The following SLC16A2 variants were observed in gnomAD, a reference collection of about 807,000 sequenced individuals.
The protein encoded by SLC16A2 is solute carrier family 16 member 2.
Under a neutral mutation model 27.2 loss-of-function variants are expected in SLC16A2, and 3 were observed. The ratio of observed to expected loss-of-function variants is 0.11; its 90% CI spans 0.05 to 0.28. The LOEUF is 0.28. SLC16A2 is among the 10% of genes least tolerant of loss of function. SLC16A2 has a pLI of 1.00. For missense variants in SLC16A2, 295 were observed against 458.5 expected (o/e 0.64, Z 3.26); for synonymous variants, 202 against 187.8 (o/e 1.08, Z -0.62).
At chrX:74,435,915 C>G (rs900919394) in intron 1 of SLC16A2, among the ~76,000 whole-genome samples, 1 of 110,349 alleles carries the variant, frequency 9.1e-6, no homozygotes, top group Admixed American at 9.8e-5. Flanking sequence ...TCAAATTTCT[C>G]CACTTATGCA....
At chrX:74,486,527 A>G (rs759857848) in intron 1 of SLC16A2, among the ~76,000 whole-genome samples, 2 of 112,112 alleles carry the variant, frequency 1.8e-5, no homozygotes, top group South Asian at 3.7e-4. Context: ...CAAAGCCACA[A>G]TGAGATACCA....
chrX:74,517,066 T>C (rs1431838425), intron 1 of SLC16A2, among the ~76,000 whole-genome samples: 1 of 111,874 alleles, frequency 8.9e-6, no homozygotes, highest in East Asian at 2.8e-4. Flanking sequence ...GGTGATGGAA[T>C]AGTTCTGTAT....
chrX:74,470,059 G>C (rs992701124), intron 1 of SLC16A2, among the ~76,000 whole-genome samples: 5 of 111,301 alleles, frequency 4.5e-5, no homozygotes, highest in African/African-American at 1.3e-4. Flanking sequence ...CATCTGATTG[G>C]AATCACACAG....
intron 1 of SLC16A2, 67 bp from the exon 2 acceptor site, chrX:74,520,923 G>GAGAT: frequency 8.7e-7 from 1 of 1,151,389 alleles, no homozygotes; most frequent in African/African-American, 1.8e-5. Context: ...AAGAAGAGCT[G>GAGAT]AGATACCAGC....
At chrX:74,450,326 G>T (rs746346615) in intron 1 of SLC16A2, among the ~76,000 whole-genome samples, 3 of 112,201 alleles carry the variant, frequency 2.7e-5, no homozygotes, top group African/African-American at 9.7e-5. Context: ...AGGAAATAAT[G>T]CTAGCTGAGT....
At chrX:74,457,037 A>G (rs780018028) in intron 1 of SLC16A2, among the ~76,000 whole-genome samples, 2 of 110,754 alleles carry the variant, frequency 1.8e-5, no homozygotes, top group Admixed American at 9.6e-5. Flanking sequence ...CTATCCTTCT[A>G]TCTCCACCAA....
rs1164319658 is a variant in SLC16A2, at chrX:74,531,354, G to A, written c.1421G>A (p.Gly474Glu). Residue 474 changes from glycine (G) to glutamate (E), a missense_variant, in exon 6 of 6, where the codon GGG (glycine) becomes GAG (glutamate). Gly to Glu is a moderately conservative substitution (Grantham distance 98). Around this residue, in one of 3 missense-constraint regions of SLC16A2, gnomAD observed 144 missense variants for 219.8 expected, o/e 0.66. Transcript: ENST00000587091. ...PIAGLLRNCF[G>E]DYHVAFYFAG... Reference sequence around the variant, plus strand: ...TCAGGCCTACTCCGCAACTGTTTTGGGGACTACCATGTGGCCTTCTACTTT... The same window carrying A: ...TCAGGCCTACTCCGCAACTGTTTTGAGGACTACCATGTGGCCTTCTACTTT... The A allele has an allele frequency of 2.5e-6, 3 of 1,209,980 alleles. No individual in the cohort carries two copies. Among genetic ancestry groups the A allele is most frequent in the Non-Finnish European group, 3.4e-6 (3 of 894,827 alleles).
rs984739489 is a variant in SLC16A2 at position 74,421,510 on chromosome X, A to G, written c.-128A>G. On this transcript the variant is annotated 5_prime_UTR_variant, in exon 1 of 6. Transcript: ENST00000587091. The stretch of plus-strand genomic sequence containing the variant: ...GACGGGCTGGCCAGCTGGGGCGCGG[A>G]GCCTGGAGGAGGAGGCAGCGGCAGC... 2.9e-5 allele frequency: 26 copies of G among 905,672 alleles called. No homozygotes were observed. The highest frequency in any genetic ancestry group is 3.6e-5 in the Non-Finnish European group (23 of 635,738). The allele number at this position is 905,672 out of a possible 1,213,427, so 74.6% of individuals were successfully genotyped here.
intron 1 of SLC16A2, among the ~76,000 whole-genome samples, chrX:74,511,779 A>C (rs1930237537): frequency 8.9e-6 from 1 of 112,005 alleles, no homozygotes; most frequent in Non-Finnish European, 1.9e-5. Flanking sequence ...AAATGGAAAA[A>C]GGTTTGAAAG....
intron 5 of SLC16A2, among the ~76,000 whole-genome samples, chrX:74,530,197 T>G (rs1930546893): frequency 9.5e-6 from 1 of 105,514 alleles, no homozygotes; most frequent in Admixed American, 1.0e-4. Flanking sequence ...GCCTGCTGGG[T>G]TCAAACGATT....
chrX:74,513,584 A>G (rs1021911794), intron 1 of SLC16A2, among the ~76,000 whole-genome samples: 3 of 111,884 alleles, frequency 2.7e-5, no homozygotes, highest in Admixed American at 9.5e-5. Flanking sequence ...TTCTTTTTTA[A>G]TACAGTCATT....
At chrX:74,488,427 AACAG>A (rs1434246052) in intron 1 of SLC16A2, among the ~76,000 whole-genome samples, 3 of 112,005 alleles carry the variant, frequency 2.7e-5, no homozygotes, top group East Asian at 2.8e-4. Context: ...AAGAATTTTT[AACAG>A]ACAGATTATA....
chrX:74,506,941 T>A (rs56353969), intron 1 of SLC16A2, among the ~76,000 whole-genome samples: 495 of 24,942 alleles, frequency 0.02, no homozygotes, highest in Middle Eastern at 0.13. Context: ...TTATTTATTT[T>A]TTTTTTTTTG....
At chrX:74,483,163 T>C (rs188251277) in intron 1 of SLC16A2, among the ~76,000 whole-genome samples, 277 of 111,569 alleles carry the variant, frequency 2.5e-3, no homozygotes, top group African/African-American at 8.6e-3. Context: ...GTCTTGGGCA[T>C]GTACACAGTA....
At chrX:74,455,276 T>TTA (rs1185086657) in intron 1 of SLC16A2, among the ~76,000 whole-genome samples, 1 of 111,704 alleles carries the variant, frequency 9.0e-6, no homozygotes, top group African/African-American at 3.3e-5. Flanking sequence ...TTCATATATT[T>TTA]TATCTCGGGG....
intron 1 of SLC16A2, among the ~76,000 whole-genome samples, chrX:74,466,727 C>T (rs1188012381): frequency 1.5e-4 from 17 of 111,876 alleles, no homozygotes; most frequent in Admixed American, 1.5e-3. Context: ...ACCCATGCTT[C>T]TTCCAGGGCT....
At chrX:74,479,451 A>T (rs1324108162) in intron 1 of SLC16A2, among the ~76,000 whole-genome samples, 1 of 111,747 alleles carries the variant, frequency 8.9e-6, no homozygotes, top group Admixed American at 9.6e-5. Flanking sequence ...AGCTCGGAGT[A>T]GTTTGATCTT....
intron 1 of SLC16A2, among the ~76,000 whole-genome samples, chrX:74,426,343 A>T (rs1029586379): frequency 8.9e-6 from 1 of 111,816 alleles, no homozygotes; most frequent in African/African-American, 3.2e-5. Context: ...ACCAAATGGG[A>T]TCTTGAACTA....
At chrX:74,507,055 G>A (rs906732218) in intron 1 of SLC16A2, among the ~76,000 whole-genome samples, 2 of 106,986 alleles carry the variant, frequency 1.9e-5, no homozygotes, top group Non-Finnish European at 3.8e-5. Flanking sequence ...CTCAACACCC[G>A]CTCCCCCCCC....
Sources: gnomAD v4.1 joint callset for allele counts (sites outside exome capture counted in the v4.1 genomes callset) on GRCh38, gnomAD v4.1.1 for gene constraint, gnomAD v4.1.1 regional missense constraint, MANE v1.5 for transcripts, NCBI Gene and HGNC (gene_info 2026-07-23, HGNC 2026-07-21) for gene names.